The following WDPCP variants were observed in gnomAD, a reference collection of about 807,000 sequenced individuals.
WDPCP encodes WD repeat containing planar cell polarity effector, also known as WD repeat-containing and planar cell polarity effector protein fritz homolog.
Under a neutral mutation model 93.1 loss-of-function variants are expected in WDPCP, and 71 were observed. The ratio of observed to expected loss-of-function variants is 0.76; its 90% CI spans 0.63 to 0.93. The LOEUF is 0.93. WDPCP is among the 40% of genes least tolerant of loss of function. The pLI is 0.00. For missense variants in WDPCP, 844 were observed against 887.4 expected, an observed-to-expected ratio of 0.95 and a Z score of 0.62; for synonymous variants, 315 against 315.0, an observed-to-expected ratio of 1.00 and a Z score of 0.00.
chr2:63,194,984 G>GT (rs1675317826), intron 14 of WDPCP, among the ~76,000 whole-genome samples: 1 of 151,848 alleles, frequency 6.6e-6, no homozygotes, highest in Non-Finnish European at 1.5e-5. Flanking sequence ...AGTTATTACT[G>GT]TTTTTTTAAA....
At chr2:63,586,325 G>A (rs900711894) in intron 1 of WDPCP, among the ~76,000 whole-genome samples, 3 of 152,116 alleles carry the variant, frequency 2.0e-5, no homozygotes, top group Non-Finnish European at 2.9e-5. Context: ...TAAATAACGC[G>A]AGGCTGGGCA....
chr2:63,766,871 A>C (rs1205265227), intron 2 of WDPCP, among the ~76,000 whole-genome samples: 2 of 151,850 alleles, frequency 1.3e-5, no homozygotes, highest in Non-Finnish European at 2.9e-5. Flanking sequence ...TAAAACTGAA[A>C]CTCCATAGCC....
At chr2:63,609,132 C>T (rs1251342939) in intron 3 of WDPCP, among the ~76,000 whole-genome samples, 2 of 152,018 alleles carry the variant, frequency 1.3e-5, no homozygotes, top group Admixed American at 1.3e-4. Flanking sequence ...TTTGGGAGGC[C>T]GAGGCGGGCA....
intron 1 of WDPCP, among the ~76,000 whole-genome samples, chr2:63,537,579 A>G (rs1704385871): frequency 6.6e-6 from 1 of 151,842 alleles, no homozygotes; most frequent in Non-Finnish European, 1.5e-5. Flanking sequence ...TGTTCCCTAG[A>G]CTCTTTGCCT....
chr2:63,838,343 A>C, the WDPCP span, among the ~76,000 whole-genome samples: 4,881 of 152,324 alleles, frequency 0.032, 266 homozygotes, highest in African/African-American at 0.11. Flanking sequence ...GTTGTTATAC[A>C]TCCTAGGATA....
intron 14 of WDPCP, among the ~76,000 whole-genome samples, chr2:63,184,361 A>G (rs1317740551): frequency 1.3e-5 from 2 of 152,040 alleles, no homozygotes; most frequent in Non-Finnish European, 2.9e-5. Flanking sequence ...AACATTGACC[A>G]TTTTGTTCCA....
intron 12 of WDPCP, among the ~76,000 whole-genome samples, chr2:63,363,478 G>C (rs774830334): frequency 2.0e-5 from 3 of 152,022 alleles, no homozygotes; most frequent in Non-Finnish European, 4.4e-5. Flanking sequence ...TGAGCCTATA[G>C]TCCCAGCTAC....
intron 13 of WDPCP, among the ~76,000 whole-genome samples, chr2:63,300,219 ACTC>A (rs1386326965): frequency 6.6e-6 from 1 of 151,480 alleles, no homozygotes; most frequent in Non-Finnish European, 1.5e-5. Flanking sequence ...CTGTTCCTAA[ACTC>A]CTCATGTGTG....
chr2:63,768,042 T>G lies in WDPCP; in HGVS notation n.308+45580A>C, dbSNP rs543493382. ...AAATTTAAAAACAACAAAAAATAAG[T>G]TTCATATTTTAGGTTTTATATTCAG... is the stretch of plus-strand genomic sequence containing the variant. On this transcript the variant is annotated intron_variant and non_coding_transcript_variant, in intron 2 of 4. Transcript: ENST00000467687. Among the ~76,000 whole-genome samples, 118 of 152,192 alleles carry G rather than the reference T, an allele frequency of 7.8e-4. 1 individual carries two copies. Among genetic ancestry groups the G allele is most frequent in the African/African-American group, 2.7e-3 (114 of 41,570 alleles).
chr2:63,693,031 G>T (rs185350149), intron 2 of WDPCP, among the ~76,000 whole-genome samples: 11 of 152,244 alleles, frequency 7.2e-5, no homozygotes, highest in African/African-American at 1.4e-4. Flanking sequence ...CCATTCTACA[G>T]ATAAAAAACT....
At chr2:63,838,510 T>A in the WDPCP span, among the ~76,000 whole-genome samples, 6 of 152,262 alleles carry the variant, frequency 3.9e-5, no homozygotes, top group African/African-American at 1.4e-4. Context: ...CACAATCCAT[T>A]TCACTCCAGC....
At chr2:63,839,870 T>C in the WDPCP span, among the ~76,000 whole-genome samples, 1 of 152,246 alleles carries the variant, frequency 6.6e-6, no homozygotes, top group Non-Finnish European at 1.5e-5. Flanking sequence ...GTAATCTTTT[T>C]GGATTTCATG....
intron 3 of WDPCP, chr2:63,595,105 G>A: frequency 2.6e-6 from 1 of 380,448 alleles, no homozygotes; most frequent in Admixed American, 4.2e-5. Flanking sequence ...TCCATGAACT[G>A]AAATCAAATA....
intron 12 of WDPCP, among the ~76,000 whole-genome samples, chr2:63,338,603 T>C (rs1369872211): frequency 2.4e-5 from 3 of 125,010 alleles, no homozygotes; most frequent in Non-Finnish European, 3.3e-5. Flanking sequence ...TATATATATA[T>C]ATATATATAT....
At chr2:63,747,230 C>T (rs1040967194) in intron 2 of WDPCP, among the ~76,000 whole-genome samples, 2 of 152,112 alleles carry the variant, frequency 1.3e-5, no homozygotes, top group African/African-American at 4.8e-5. Context: ...TAATTTGTAA[C>T]TTGTCTTTGC....
intron 13 of WDPCP, among the ~76,000 whole-genome samples, chr2:63,267,534 C>T (rs948659456): frequency 6.6e-6 from 1 of 152,108 alleles, no homozygotes; most frequent in African/African-American, 2.4e-5. Context: ...AAGGAAGTAA[C>T]AGTGAAGAGA....
At chr2:63,682,354 G>C (rs1043043085) in intron 2 of WDPCP, among the ~76,000 whole-genome samples, 5 of 152,158 alleles carry the variant, frequency 3.3e-5, no homozygotes, top group African/African-American at 1.2e-4. Context: ...TAATTAAAAA[G>C]AATTGAGCAA....
chr2:63,379,036 T>C (rs929263863), intron 11 of WDPCP, among the ~76,000 whole-genome samples: 4 of 152,112 alleles, frequency 2.6e-5, no homozygotes, highest in Non-Finnish European at 5.9e-5. Flanking sequence ...AGTCCTGCCC[T>C]AAACAGCAAA....
chr2:63,577,939 A>G (rs563980505), intron 1 of WDPCP, among the ~76,000 whole-genome samples: 1 of 152,342 alleles, frequency 6.6e-6, no homozygotes, highest in East Asian at 1.9e-4. Flanking sequence ...TACCCAACAC[A>G]GGAAATCTTC....
Sources: gnomAD v4.1 joint callset for allele counts (sites outside exome capture counted in the v4.1 genomes callset) on GRCh38, gnomAD v4.1.1 for gene constraint, MANE v1.5 for transcripts, NCBI Gene and HGNC (gene_info 2026-07-23, HGNC 2026-07-21) for gene names.